The following PLEKHA5 variants were observed in gnomAD, a reference collection of about 807,000 sequenced individuals.
PLEKHA5 encodes pleckstrin homology domain-containing family A member 5.
In PLEKHA5, 55 loss-of-function variants were observed where a neutral mutation model predicts 181.9. The observed-to-expected ratio is 0.30, with a 90% CI of 0.24 to 0.38. The LOEUF is 0.38. Ranked by LOEUF, PLEKHA5 falls within the 10% of genes least tolerant of loss-of-function variation. PLEKHA5 has a pLI of 1.00. For synonymous variants in PLEKHA5, 535 were observed against 529.4 expected (o/e 1.01, Z -0.15); for missense variants, 1,432 against 1,549.5 (o/e 0.92, Z 1.27).
chr12:19,186,900 A>G (rs928491375), intron 3 of PLEKHA5, among the ~76,000 whole-genome samples: 2 of 152,222 alleles, frequency 1.3e-5, no homozygotes, highest in South Asian at 4.1e-4. Flanking sequence ...GAGGAATAAC[A>G]ATATGCTGTT....
chr12:19,161,358 A>G (rs533788737), intron 3 of PLEKHA5, among the ~76,000 whole-genome samples: 1 of 152,266 alleles, frequency 6.6e-6, no homozygotes, highest in South Asian at 2.1e-4. Context: ...ACTTCAGTGA[A>G]TGTCATAAAA....
chr12:19,213,848 G>A (rs746287046), intron 3 of PLEKHA5, among the ~76,000 whole-genome samples: 2 of 152,064 alleles, frequency 1.3e-5, no homozygotes, highest in Non-Finnish European at 2.9e-5. Flanking sequence ...CATTTTCAGG[G>A]GAAAAACAGG....
intron 25 of PLEKHA5, among the ~76,000 whole-genome samples, chr12:19,351,876 C>G (rs1409928337): frequency 6.6e-6 from 1 of 151,992 alleles, no homozygotes; most frequent in African/African-American, 2.4e-5. Context: ...GAGTTCCAGA[C>G]CAGCCTGACC....
chr12:19,211,117 A>T (rs7397201), intron 3 of PLEKHA5, among the ~76,000 whole-genome samples: 127,595 of 152,050 alleles, frequency 0.84, 54,992 homozygotes, highest in Non-Finnish European at 0.95. Flanking sequence ...GAAATAATTA[A>T]TGTAAAAAAT....
At chr12:19,215,560 C>CT (rs1447553113) in intron 3 of PLEKHA5, among the ~76,000 whole-genome samples, 1 of 152,110 alleles carries the variant, frequency 6.6e-6, no homozygotes, top group Non-Finnish European at 1.5e-5. Context: ...GTAAAGCATT[C>CT]TTATATTTGA....
chr12:19,195,165 A>G (rs1033080775), intron 3 of PLEKHA5, among the ~76,000 whole-genome samples: 1 of 152,050 alleles, frequency 6.6e-6, no homozygotes, highest in Non-Finnish European at 1.5e-5. Context: ...CAGGACTAGG[A>G]CTTGAACCTG....
chr12:19,288,883 C>T (rs1485446396), intron 13 of PLEKHA5, among the ~76,000 whole-genome samples: 1 of 152,172 alleles, frequency 6.6e-6, no homozygotes, highest in Non-Finnish European at 1.5e-5. Context: ...TCAAATGTGC[C>T]TCTTTATTTG....
chr12:19,292,208 C>T (rs1413994953), intron 15 of PLEKHA5, among the ~76,000 whole-genome samples: 1 of 151,926 alleles, frequency 6.6e-6, no homozygotes, highest in African/African-American at 2.4e-5. Flanking sequence ...GAGTTCGAGA[C>T]GAGGCTGGCC....
chr12:19,374,909 C>T (rs1178346616), intron 31 of PLEKHA5, among the ~76,000 whole-genome samples: 3 of 150,606 alleles, frequency 2.0e-5, no homozygotes, highest in Admixed American at 6.6e-5. Flanking sequence ...GAACTGAGAT[C>T]GTGCCACTGC....
intron 3 of PLEKHA5, among the ~76,000 whole-genome samples, chr12:19,166,387 CAG>C (rs1209174427): frequency 6.6e-6 from 1 of 152,112 alleles, no homozygotes; most frequent in Non-Finnish European, 1.5e-5. Flanking sequence ...CCAAAGATAA[CAG>C]TGTTACCTCG....
chr12:19,366,053 C>G lies in PLEKHA5; in HGVS notation c.3698C>G (p.Thr1233Ser). ...TKNSVDEQEE[T>S]VISYESTPEV... ...AACAGTGTTGACGAACAGGAAGAAACTGTTATTTCTTACGAATCAACTCCT... is the reference window on the plus strand; with the variant it reads ...AACAGTGTTGACGAACAGGAAGAAAGTGTTATTTCTTACGAATCAACTCCT... The change falls in exon 30 of 32, where the codon ACT becomes AGT. Residue 1233 changes from threonine to serine, a missense_variant. By Grantham distance (58) the Thr-to-Ser change is moderately conservative (BLOSUM62 1). Transcript: ENST00000429027. 2 of 1,610,432 alleles carry G rather than the reference C, an allele frequency of 1.2e-6. No individual in the cohort carries two copies. The highest frequency in any genetic ancestry group is 1.7e-6 in the Non-Finnish European group (2 of 1,177,102).
At chr12:19,216,378 G>C (rs2152260463) in intron 3 of PLEKHA5, among the ~76,000 whole-genome samples, 1 of 152,124 alleles carries the variant, frequency 6.6e-6, no homozygotes, top group African/African-American at 2.4e-5. Context: ...TAAATGTTCT[G>C]TTGGCCGGGC....
intron 20 of PLEKHA5, among the ~76,000 whole-genome samples, chr12:19,336,004 C>A (rs2093399390): frequency 6.6e-6 from 1 of 152,136 alleles, no homozygotes; most frequent in South Asian, 2.1e-4. Flanking sequence ...GACCAAACAT[C>A]AAAATCTTCT....
chr12:19,179,692 A>T (rs1249556060), intron 3 of PLEKHA5, among the ~76,000 whole-genome samples: 3 of 152,198 alleles, frequency 2.0e-5, no homozygotes, highest in Non-Finnish European at 4.4e-5. Flanking sequence ...GTGAAGTGTT[A>T]GTTAAATATA....
Position 19,186,083 on chromosome 12 carries a change from G to A in PLEKHA5, c.227+53633G>A, listed in dbSNP as rs563936616. Among the ~76,000 whole-genome samples, 9 of 152,202 alleles carry A rather than the reference G, an allele frequency of 5.9e-5. No homozygotes were observed. The South Asian group carries it at 8.3e-4, about 14-fold the overall frequency. On this transcript the variant is annotated intron_variant, in intron 3 of 31. Coordinates refer to ENST00000429027, the MANE Select transcript of PLEKHA5 (RefSeq NM_001256470.2). Reference sequence around the variant, plus strand: ...CAGACCATAAACCCATAGATACAACGTAATTTGCCAGAGGTCCCATAAAAT... The same window carrying A: ...CAGACCATAAACCCATAGATACAACATAATTTGCCAGAGGTCCCATAAAAT...
intron 3 of PLEKHA5, chr12:19,200,504 T>G: frequency 7.3e-7 from 1 of 1,365,518 alleles, no homozygotes; most frequent in Non-Finnish European, 9.4e-7. Context: ...ATAACAAATG[T>G]TCCAAATCTT....
Position 19,180,026 on chromosome 12 carries a change from A to G in PLEKHA5, c.227+47576A>G, listed in dbSNP as rs2151827381. ...CTGGCTAACAGGATAAATTTATATGAAAAGACTTGTAAACAAAAGTCTTTC... is the reference window on the plus strand; with the variant it reads ...CTGGCTAACAGGATAAATTTATATGGAAAGACTTGTAAACAAAAGTCTTTC... On this transcript the variant is annotated intron_variant, in intron 3 of 31. Transcript: ENST00000429027. Among the ~76,000 whole-genome samples, 3 of 152,306 alleles carry G rather than the reference A, an allele frequency of 2.0e-5. No homozygotes were observed. The Middle Eastern group carries it at 0.01, about 518-fold the overall frequency.
At chr12:19,311,859 T>C (rs2086668646) in intron 15 of PLEKHA5, among the ~76,000 whole-genome samples, 1 of 152,174 alleles carries the variant, frequency 6.6e-6, no homozygotes, top group South Asian at 2.1e-4. Context: ...GGTGAATTCT[T>C]TCCAGAAGTT....
chr12:19,183,622 A>G (rs141704794), intron 3 of PLEKHA5, among the ~76,000 whole-genome samples: 1 of 152,328 alleles, frequency 6.6e-6, no homozygotes, highest in African/African-American at 2.4e-5. Flanking sequence ...AGTTGTTCTC[A>G]GTCTGCTCTG....
Sources: allele counts gnomAD v4.1 joint callset (sites outside exome capture counted in the v4.1 genomes callset), GRCh38; gene constraint gnomAD v4.1.1; transcripts MANE v1.5; gene names NCBI Gene and HGNC (gene_info 2026-07-23, HGNC 2026-07-21).